AGBL1: variants seen among roughly 807,000 people sequenced by gnomAD.
AGBL1 encodes AGBL carboxypeptidase 1, also known as cytosolic carboxypeptidase 4.
In AGBL1, 130 loss-of-function variants were observed where a neutral mutation model predicts 118.9. The observed-to-expected ratio is 1.09, with a 90% CI of 0.95 to 1.26. The LOEUF (loss-of-function observed/expected upper bound fraction) is 1.26. Among genes scored for constraint, AGBL1 ranks in the 50% most tolerant of loss-of-function variants. The pLI is 0.00. For missense variants in AGBL1, 1,584 were observed against 1,298.1 expected (o/e 1.22, Z -3.38); for synonymous variants, 555 against 478.9 (o/e 1.16, Z -2.08).
intron 6 of AGBL1, among the ~76,000 whole-genome samples, chr15:86,236,276 G>A (rs901340526): frequency 1.3e-5 from 2 of 151,636 alleles, no homozygotes; most frequent in African/African-American, 2.4e-5. Flanking sequence ...CCCACAGACC[G>A]TGAGGCACAC....
chr15:86,114,643 T>C lies in AGBL1; in HGVS notation c.52-27361T>C, dbSNP rs182895118. Among the ~76,000 whole-genome samples the C allele has an allele frequency of 1.4e-3, 217 of 152,204 alleles. 1 individual carries two copies. Among genetic ancestry groups the C allele is most frequent in the Non-Finnish European group, 2.5e-3 (170 of 68,000 alleles). On this transcript the variant is annotated intron_variant, in intron 1 of 22. Coordinates refer to ENST00000614907, the MANE Select transcript of AGBL1 (RefSeq NM_001386094.1). Reference sequence around the variant, plus strand: ...GTCTTTTTTTCACCGATGTCACAATTCCATGCATATGAATCCTGTTGAAGT... The same window carrying C: ...GTCTTTTTTTCACCGATGTCACAATCCCATGCATATGAATCCTGTTGAAGT...
intron 17 of AGBL1, among the ~76,000 whole-genome samples, chr15:86,298,347 TGA>T: frequency 8.0e-6 from 1 of 124,236 alleles, no homozygotes; most frequent in Non-Finnish European, 1.7e-5. Context: ...TATATATATA[TGA>T]ATATATTCTT....
chr15:86,928,540 A>C (rs538784464), intron 23 of AGBL1, among the ~76,000 whole-genome samples: 1 of 152,314 alleles, frequency 6.6e-6, no homozygotes, highest in South Asian at 2.1e-4. Flanking sequence ...TTTCCACTGC[A>C]CTATCACGTG....
At chr15:86,798,696 A>T (rs1454133786) in intron 22 of AGBL1, among the ~76,000 whole-genome samples, 1 of 150,394 alleles carries the variant, frequency 6.6e-6, no homozygotes, top group African/African-American at 2.5e-5. Context: ...TTAATACTAC[A>T]TACATGCTGG....
intron 5 of AGBL1, among the ~76,000 whole-genome samples, chr15:86,181,295 C>T (rs541686571): frequency 6.6e-6 from 1 of 152,140 alleles, no homozygotes; most frequent in South Asian, 2.1e-4. Flanking sequence ...GGTGAATAAA[C>T]TGTAATGTTT....
intron 6 of AGBL1, among the ~76,000 whole-genome samples, chr15:86,246,142 C>T (rs575815234): frequency 2.6e-5 from 4 of 152,200 alleles, no homozygotes; most frequent in Non-Finnish European, 4.4e-5. Context: ...GCCTCAGGCC[C>T]CCACAGTGCT....
intron 18 of AGBL1, among the ~76,000 whole-genome samples, chr15:86,514,386 A>G (rs1452793919): frequency 6.6e-6 from 1 of 152,118 alleles, no homozygotes; most frequent in African/African-American, 2.4e-5. Context: ...GTGCACTGCT[A>G]TGAAAAACAA....
At chr15:86,445,586 C>A (rs1436927855) in intron 18 of AGBL1, among the ~76,000 whole-genome samples, 2 of 152,212 alleles carry the variant, frequency 1.3e-5, no homozygotes, top group African/African-American at 2.4e-5. Context: ...TGCCTGCTAG[C>A]GAGTGTGGTA....
At chr15:86,886,356 C>G (rs1174121665) in intron 22 of AGBL1, among the ~76,000 whole-genome samples, 1 of 152,164 alleles carries the variant, frequency 6.6e-6, no homozygotes, top group Non-Finnish European at 1.5e-5. Context: ...TGCAGTTTAA[C>G]AGTTTAAGGT....
chr15:86,510,645 A>G (rs912866634), intron 18 of AGBL1, among the ~76,000 whole-genome samples: 28 of 152,108 alleles, frequency 1.8e-4, no homozygotes, highest in Non-Finnish European at 1.3e-4. Flanking sequence ...TCTATTAAAG[A>G]TTTCTCTCCA....
intron 22 of AGBL1, among the ~76,000 whole-genome samples, chr15:86,681,093 A>G (rs79930649): frequency 0.015 from 2,326 of 152,152 alleles, 40 homozygotes; most frequent in African/African-American, 0.044. Context: ...GTCTTCATTT[A>G]TCTTCCTCTG....
chr15:86,741,160 T>C (rs555688789), intron 22 of AGBL1, among the ~76,000 whole-genome samples: 1 of 151,950 alleles, frequency 6.6e-6, no homozygotes, highest in South Asian at 2.1e-4. Flanking sequence ...CTGTGGTTTG[T>C]CAGCTATGCC....
intron 17 of AGBL1, among the ~76,000 whole-genome samples, chr15:86,383,231 G>A (rs2081136497): frequency 9.1e-6 from 1 of 109,364 alleles, no homozygotes; most frequent in African/African-American, 3.6e-5. Flanking sequence ...ACTGAAGAGA[G>A]TAAGCATTCA....
At chr15:86,592,218 G>A (rs543527060) in intron 21 of AGBL1, among the ~76,000 whole-genome samples, 5 of 152,232 alleles carry the variant, frequency 3.3e-5, no homozygotes, top group South Asian at 4.1e-4. Context: ...CTGGGGCCAC[G>A]TAAATGTCCT....
intron 21 of AGBL1, among the ~76,000 whole-genome samples, chr15:86,604,374 T>C (rs529345611): frequency 6.2e-4 from 94 of 152,324 alleles, no homozygotes; most frequent in African/African-American, 2.1e-3. Flanking sequence ...TTTCATTTAA[T>C]AGGTTCAAAG....
intron 17 of AGBL1, among the ~76,000 whole-genome samples, chr15:86,326,180 C>CA (rs914190158): frequency 1.2e-4 from 18 of 148,656 alleles, no homozygotes; most frequent in Non-Finnish European, 1.5e-5. Context: ...TTACAGTGAG[C>CA]TTTTTTTTTT....
chr15:86,683,512 C>T (rs766254416), intron 22 of AGBL1, among the ~76,000 whole-genome samples: 3 of 152,142 alleles, frequency 2.0e-5, no homozygotes, highest in Non-Finnish European at 4.4e-5. Context: ...ACAAGTGACT[C>T]CATGGGAGTC....
intron 22 of AGBL1, among the ~76,000 whole-genome samples, chr15:86,703,650 G>T (rs1596385607): frequency 6.6e-6 from 1 of 152,016 alleles, no homozygotes; most frequent in African/African-American, 2.4e-5. Flanking sequence ...CATGGGGATG[G>T]TTTTTTCCCA....
chr15:87,002,259 G>A (rs1275070250), intron 24 of AGBL1, among the ~76,000 whole-genome samples: 1 of 151,930 alleles, frequency 6.6e-6, no homozygotes, highest in Admixed American at 6.6e-5. Context: ...TCTTGTTTTT[G>A]TCAGGTTTGT....
Sources: allele counts gnomAD v4.1 joint callset (sites outside exome capture counted in the v4.1 genomes callset), GRCh38; gene constraint gnomAD v4.1.1; transcripts MANE v1.5; gene names NCBI Gene and HGNC (gene_info 2026-07-23, HGNC 2026-07-21).